Variants in DMD observed in about 807,000 individuals in gnomAD.
The protein encoded by DMD is dystrophin.
A neutral mutation model predicts 330.1 loss-of-function variants in DMD; 63 were observed. The ratio of observed to expected loss-of-function variants is 0.19; its 90% confidence interval spans 0.16 to 0.24. The LOEUF (loss-of-function observed/expected upper bound fraction) is 0.24, where lower values mean the gene tolerates loss of function less well. DMD is among the 10% of genes least tolerant of loss of function. DMD has a pLI of 1.00. For synonymous variants in DMD, 1,223 were observed against 959.8 expected (o/e 1.27, Z -5.07); for missense variants, 3,344 against 2,684.1 (o/e 1.25, Z -5.43).
chrX:32,828,229 G>C (rs59647385), intron 4 of DMD, among the ~76,000 whole-genome samples: 1,475 of 110,913 alleles, frequency 0.013, 27 homozygotes, highest in East Asian at 0.051. Flanking sequence ...ATATTCCTTT[G>C]GGTATATACC....
In DMD at chrX:31,191,973, C is replaced by G. The variant is rs185951610; in HGVS notation, c.9808-9069G>C. Among the ~76,000 whole-genome samples the G allele has an allele frequency of 2.2e-3, 252 of 112,410 alleles. 1 individual carries two copies. Among genetic ancestry groups the G allele is most frequent in the Admixed American group, 0.015 (163 of 10,626 alleles). On this transcript the variant is annotated intron_variant, in intron 67 of 78. Transcript: ENST00000357033. Reference sequence around the variant, plus strand: ...TTTATAAAAACTGTTTTTTGAATTACAGTCTGTACACAAAGATTTAAAACT... The same window carrying G: ...TTTATAAAAACTGTTTTTTGAATTAGAGTCTGTACACAAAGATTTAAAACT...
intron 54 of DMD, among the ~76,000 whole-genome samples, chrX:31,638,484 C>T (rs1024156680): frequency 1.8e-5 from 2 of 112,190 alleles, no homozygotes; most frequent in Non-Finnish European, 3.8e-5. Flanking sequence ...ACATCCTTTG[C>T]GTAAAATCAT....
chrX:31,992,829 C>T (rs904204720), intron 44 of DMD, among the ~76,000 whole-genome samples: 1 of 111,546 alleles, frequency 9.0e-6, no homozygotes, highest in Non-Finnish European at 1.9e-5. Context: ...AATGCATTGT[C>T]CTCTGTGATC....
chrX:31,120,951 A>C lies in DMD; in HGVS notation c.*968T>G, dbSNP rs986319891. On this transcript the variant is annotated 3_prime_UTR_variant, in exon 79 of 79. Coordinates refer to ENST00000357033, the MANE Select transcript of DMD (RefSeq NM_004006.3). ...GTGTATTCATTCACATGTTCCCTTT[A>C]AAAAAATCCAATACTTTACTTTACT... The C allele has an allele frequency of 6.3e-5, 7 of 110,240 alleles. No homozygotes were observed. The highest frequency in any genetic ancestry group is 2.0e-4 in the African/African-American group (6 of 29,651). 9.1% of individuals were successfully genotyped at this position (110,240 alleles called of 1,213,427 possible). A position where few individuals can be genotyped will look rare whatever the true frequency, so the allele number is the denominator to read the frequency against.
At chrX:32,859,488 C>A (rs969027958) in intron 2 of DMD, among the ~76,000 whole-genome samples, 3 of 95,006 alleles carry the variant, frequency 3.2e-5, no homozygotes, top group Non-Finnish European at 6.9e-5. Context: ...CACACACACA[C>A]ACACACACAC....
intron 74 of DMD, among the ~76,000 whole-genome samples, chrX:31,163,351 G>A (rs1301144606): frequency 9.0e-6 from 1 of 111,476 alleles, no homozygotes; most frequent in African/African-American, 3.3e-5. Flanking sequence ...TGTAAGACAT[G>A]CCTTTCCTCC....
intron 62 of DMD, among the ~76,000 whole-genome samples, chrX:31,314,838 C>T (rs1051287489): frequency 6.4e-5 from 7 of 109,274 alleles, no homozygotes; most frequent in African/African-American, 2.4e-4. Flanking sequence ...CTCCCTACCC[C>T]CTACTCCCCC....
intron 3 of DMD, among the ~76,000 whole-genome samples, chrX:32,848,921 G>T (rs1370239465): frequency 1.8e-5 from 2 of 110,840 alleles, no homozygotes; most frequent in Admixed American, 1.9e-4. Flanking sequence ...GGCTGGGGTA[G>T]ATAGGATTTT....
chrX:31,659,749 T>C (rs1337545055), intron 53 of DMD, among the ~76,000 whole-genome samples: 2 of 108,735 alleles, frequency 1.8e-5, no homozygotes, highest in African/African-American at 3.4e-5. Flanking sequence ...GTAGCAAATG[T>C]GCACAGTAAT....
rs766271146 is a variant in DMD at position 31,475,881 on chromosome X, T to A, written c.8937+2225A>T. Among the ~76,000 whole-genome samples, 11 of 111,721 alleles carry A rather than the reference T, an allele frequency of 9.8e-5. No individual in the cohort carries two copies. The South Asian group carries it at 3.8e-3, about 38-fold the overall frequency. On this transcript the variant is annotated intron_variant, in intron 59 of 78. Coordinates refer to ENST00000357033, the MANE Select transcript of DMD (RefSeq NM_004006.3). ...TGAAGGCAATGATCAAGTCTGTTTC[T>A]TTTATAACTACCTGTCCAGCACATT...
At chrX:32,713,490 C>A (rs2065385108) in intron 7 of DMD, among the ~76,000 whole-genome samples, 1 of 111,505 alleles carries the variant, frequency 9.0e-6, no homozygotes, top group Non-Finnish European at 1.9e-5. Flanking sequence ...AACTACATTC[C>A]CTCCATTGGT....
At chrX:31,920,137 T>A (rs12013032) in intron 47 of DMD, among the ~76,000 whole-genome samples, 66 of 112,147 alleles carry the variant, frequency 5.9e-4, no homozygotes, top group South Asian at 1.1e-3. Context: ...AGGGGTCAGC[T>A]GACATGAATA....
At chrX:31,885,396 G>A (rs935186007) in intron 47 of DMD, among the ~76,000 whole-genome samples, 1 of 110,253 alleles carries the variant, frequency 9.1e-6, no homozygotes, top group African/African-American at 3.3e-5. Context: ...GGATCATAAG[G>A]TCAGGAGATC....
At chrX:32,598,646 G>A (rs1465323775) in intron 12 of DMD, among the ~76,000 whole-genome samples, 1 of 111,951 alleles carries the variant, frequency 8.9e-6, no homozygotes, top group Non-Finnish European at 1.9e-5. Context: ...TCCATGGAAT[G>A]AATCCAACTC....
intron 43 of DMD, among the ~76,000 whole-genome samples, chrX:32,225,771 C>T (rs1280233940): frequency 9.1e-6 from 1 of 109,561 alleles, no homozygotes; most frequent in Admixed American, 9.9e-5. Flanking sequence ...ATGCCTACAC[C>T]TGCTCTGCCT....
chrX:32,419,343 T>C (rs1259908506), intron 29 of DMD, among the ~76,000 whole-genome samples: 1 of 112,000 alleles, frequency 8.9e-6, no homozygotes, highest in Non-Finnish European at 1.9e-5. Flanking sequence ...GTTCATCCTA[T>C]TTTTTCCTAA....
intron 1 of DMD, among the ~76,000 whole-genome samples, chrX:33,284,680 CGTT>C (rs1259435858): frequency 1.1e-5 from 1 of 88,960 alleles, no homozygotes; most frequent in Non-Finnish European, 2.4e-5. Flanking sequence ...GGGCCTATAA[CGTT>C]GGTTTTCTAT....
chrX:31,254,702 G>A (rs2049750236), intron 63 of DMD, among the ~76,000 whole-genome samples: 1 of 111,071 alleles, frequency 9.0e-6, no homozygotes, highest in Admixed American at 9.6e-5. Flanking sequence ...CTGTCCATAT[G>A]TAAATACTCT....
At chrX:32,830,278 C>T (rs1222624728) in intron 4 of DMD, among the ~76,000 whole-genome samples, 1 of 111,391 alleles carries the variant, frequency 9.0e-6, no homozygotes, top group Non-Finnish European at 1.9e-5. Flanking sequence ...CCCTGCCATA[C>T]AGTAACTTCT....
Sources: gnomAD v4.1 joint callset for allele counts (sites outside exome capture counted in the v4.1 genomes callset) on GRCh38, gnomAD v4.1.1 for gene constraint, MANE v1.5 for transcripts, NCBI Gene and HGNC (gene_info 2026-07-23, HGNC 2026-07-21) for gene names.